Variants in TCEA1 observed in about 807,000 individuals in gnomAD.
The protein encoded by TCEA1 is transcription elongation factor A1.
In TCEA1, 21 loss-of-function variants were observed where a neutral mutation model predicts 43.8. The observed-to-expected ratio is 0.48, with a 90% CI of 0.34 to 0.69. TCEA1 has a LOEUF of 0.69. TCEA1 is among the 30% of genes least tolerant of loss of function. The pLI, the probability that TCEA1 is intolerant of heterozygous loss-of-function variation, is 0.01. For missense variants in TCEA1, 250 were observed against 365.1 expected (o/e 0.68, Z 2.57); for synonymous variants, 104 against 117.5 (o/e 0.88, Z 0.75).
intron 1 of TCEA1, among the ~76,000 whole-genome samples, chr8:54,015,930 CT>C (rs1300452079): frequency 1.3e-5 from 2 of 152,152 alleles, no homozygotes; most frequent in Non-Finnish European, 2.9e-5. Context: ...TGAAAAGATG[CT>C]CAACATTGTT....
At chr8:53,980,047 CTCTT>C (rs1803455216) in intron 7 of TCEA1, among the ~76,000 whole-genome samples, 1 of 152,194 alleles carries the variant, frequency 6.6e-6, no homozygotes, top group Admixed American at 6.5e-5. Context: ...ATTAATAAAA[CTCTT>C]TCTTAACCGC....
intron 1 of TCEA1, among the ~76,000 whole-genome samples, chr8:54,017,679 G>A (rs1804878168): frequency 6.6e-6 from 1 of 152,224 alleles, no homozygotes; most frequent in Admixed American, 6.5e-5. Flanking sequence ...CCAGCAATTT[G>A]GGAGGCCGAG....
At chr8:53,979,641 C>T (rs1466233325) in intron 7 of TCEA1, among the ~76,000 whole-genome samples, 4 of 152,134 alleles carry the variant, frequency 2.6e-5, no homozygotes, top group Admixed American at 6.5e-5. Flanking sequence ...TAATGAAATG[C>T]CAGAGGATTA....
chr8:53,974,251 A>T (rs1192526933), intron 8 of TCEA1: 1 of 153,104 alleles, frequency 6.5e-6, no homozygotes, highest in East Asian at 1.9e-4. Flanking sequence ...ATCCCCTAAA[A>T]TATACAGAAA....
At chr8:53,979,420 C>G (rs900725001) in intron 7 of TCEA1, among the ~76,000 whole-genome samples, 5 of 152,168 alleles carry the variant, frequency 3.3e-5, no homozygotes, top group Admixed American at 3.3e-4. Context: ...CTAAAACCAC[C>G]TTTGCAAAGA....
At chr8:54,011,405 C>T (rs1436006329) in intron 1 of TCEA1, among the ~76,000 whole-genome samples, 1 of 152,208 alleles carries the variant, frequency 6.6e-6, no homozygotes, top group Non-Finnish European at 1.5e-5. Context: ...ACCTCCAATG[C>T]TCTTCACAGT....
At chr8:54,011,497 C>G (rs1011385464) in intron 1 of TCEA1, among the ~76,000 whole-genome samples, 9 of 152,236 alleles carry the variant, frequency 5.9e-5, no homozygotes, top group Non-Finnish European at 1.2e-4. Context: ...TCCACAAGTT[C>G]TGATGCTAGG....
chr8:53,971,869 TATAG>T (rs746703127), intron 8 of TCEA1: 36 of 212,054 alleles, frequency 1.7e-4, no homozygotes, highest in Non-Finnish European at 2.8e-4. Flanking sequence ...ATAAAACTGA[TATAG>T]ATAATTCTGA....
At chr8:53,984,162 A>T (rs963522681) in intron 7 of TCEA1, among the ~76,000 whole-genome samples, 9 of 152,268 alleles carry the variant, frequency 5.9e-5, no homozygotes, top group Non-Finnish European at 1.3e-4. Flanking sequence ...TCACATTAAA[A>T]GCATGGAAAC....
In TCEA1 at chr8:54,000,016, C is replaced by T; in HGVS notation, c.161G>A (p.Arg54His). 6.3e-7 allele frequency: 1 copy of T among 1,598,808 alleles called. No individual in the cohort carries two copies. Among genetic ancestry groups the T allele is most frequent in the Non-Finnish European group, 8.5e-7 (1 of 1,172,118 alleles). ...AACTTCCTCATCTGTACTCTGCTTG[C>T]GAATAGCATTAACTGACATTCCGAT... is the stretch of plus-strand genomic sequence containing the variant. ...TRIGMSVNAI[R>H]KQSTDEEVTS... Residue 54 changes from arginine (R) to histidine (H), a missense_variant, in exon 3 of 10, where the codon CGC becomes CAC. Coordinates refer to ENST00000521604, the MANE Select transcript of TCEA1 (RefSeq NM_006756.4).
chr8:54,021,553 C>T (rs1014253880), intron 1 of TCEA1: 1 of 152,430 alleles, frequency 6.6e-6, no homozygotes, highest in Non-Finnish European at 1.5e-5. Flanking sequence ...AAACATGTAG[C>T]ACAGTTGAGA....
intron 2 of TCEA1, among the ~76,000 whole-genome samples, chr8:54,006,732 C>T (rs912837769): frequency 4.6e-5 from 7 of 152,196 alleles, no homozygotes; most frequent in Admixed American, 3.3e-4. Context: ...AGTTGACTTG[C>T]AAGAGAAGTT....
At chr8:53,982,691 G>A (rs1803550280) in intron 7 of TCEA1, among the ~76,000 whole-genome samples, 1 of 150,554 alleles carries the variant, frequency 6.6e-6, no homozygotes, top group African/African-American at 2.4e-5. Context: ...ATTAGAAGTA[G>A]AGCTTCAAGA....
chr8:53,985,064 G>C (rs1483035677), intron 6 of TCEA1, among the ~76,000 whole-genome samples: 1 of 152,096 alleles, frequency 6.6e-6, no homozygotes, highest in Admixed American at 6.6e-5. Flanking sequence ...GTCTCACTCT[G>C]TCACCCAGGC....
chr8:53,971,820 A>G, intron 8 of TCEA1: 1 of 189,168 alleles, frequency 5.3e-6, no homozygotes, highest in Non-Finnish European at 8.7e-6. Context: ...GTTGAGAAAA[A>G]GAAAGAAACC....
intron 3 of TCEA1, among the ~76,000 whole-genome samples, chr8:53,995,311 A>AG (rs1361593005): frequency 0.039 from 5,771 of 148,590 alleles, 386 homozygotes; most frequent in African/African-American, 0.13. Flanking sequence ...AAAAAAAAAA[A>AG]AAAAGAAAAA....
At chr8:53,972,697 C>CA in intron 8 of TCEA1, 3 of 646,178 alleles carry the variant, frequency 4.6e-6, no homozygotes, top group East Asian at 3.1e-5. Context: ...GAAGATGCCC[C>CA]AAAAAAGGAC....
intron 2 of TCEA1, among the ~76,000 whole-genome samples, chr8:54,008,553 G>A (rs1053019862): frequency 2.0e-5 from 3 of 151,892 alleles, no homozygotes; most frequent in African/African-American, 7.3e-5. Flanking sequence ...GGGGGTAAGG[G>A]ACGGGAGGGG....
chr8:53,999,090 T>C (rs1221449252), intron 3 of TCEA1, among the ~76,000 whole-genome samples: 1 of 151,348 alleles, frequency 6.6e-6, no homozygotes, highest in Non-Finnish European at 1.5e-5. Flanking sequence ...TAGCTGGGCG[T>C]GGTGGCGGCC....
Sources: allele counts gnomAD v4.1 joint callset (sites outside exome capture counted in the v4.1 genomes callset), GRCh38; gene constraint gnomAD v4.1.1; transcripts MANE v1.5; gene names NCBI Gene and HGNC (gene_info 2026-07-23, HGNC 2026-07-21).